MAD1L1: variants seen among roughly 807,000 people sequenced by gnomAD.
MAD1L1 encodes the protein mitotic arrest deficient 1 like 1.
In MAD1L1, 95 loss-of-function variants were observed where a neutral mutation model predicts 96.9. That is an observed-to-expected ratio of 0.98 (90% CI 0.83 to 1.16). The LOEUF is 1.16. MAD1L1 is among the 50% of genes most tolerant of loss of function. MAD1L1 has a pLI of 0.00. For synonymous variants in MAD1L1, 473 were observed against 396.6 expected (o/e 1.19, Z -2.29); for missense variants, 1,007 against 954.4 (o/e 1.06, Z -0.73).
At chr7:2,113,603 G>A (rs919763107) in intron 11 of MAD1L1, among the ~76,000 whole-genome samples, 1 of 152,134 alleles carries the variant, frequency 6.6e-6, no homozygotes, top group African/African-American at 2.4e-5. Context: ...AAAATAAATA[G>A]GATATTTGCA....
chr7:2,027,074 T>G (rs190079817), intron 12 of MAD1L1, among the ~76,000 whole-genome samples: 1 of 151,900 alleles, frequency 6.6e-6, no homozygotes, highest in Admixed American at 6.5e-5. Context: ...AACATGACAA[T>G]AAACAACTTT....
chr7:2,014,212 G>C (rs1782427463), intron 13 of MAD1L1, among the ~76,000 whole-genome samples: 1 of 152,198 alleles, frequency 6.6e-6, no homozygotes, highest in Non-Finnish European at 1.5e-5. Flanking sequence ...CAGGCATCAT[G>C]AGGCGGTCCT....
chr7:1,893,999 G>A (rs1786713281), intron 18 of MAD1L1, among the ~76,000 whole-genome samples: 1 of 152,210 alleles, frequency 6.6e-6, no homozygotes, highest in Non-Finnish European at 1.5e-5. Flanking sequence ...ACTGAAACCT[G>A]TTTTTCTGTC....
chr7:2,052,480 A>G (rs1462239852), intron 12 of MAD1L1, among the ~76,000 whole-genome samples: 2 of 151,932 alleles, frequency 1.3e-5, no homozygotes, highest in African/African-American at 4.8e-5. Flanking sequence ...GGGCCCAGGC[A>G]CAGCAGGCAG....
chr7:1,956,321 C>A (rs1779726623), intron 16 of MAD1L1, among the ~76,000 whole-genome samples: 1 of 152,146 alleles, frequency 6.6e-6, no homozygotes, highest in African/African-American at 2.4e-5. Flanking sequence ...ACTCCACAGG[C>A]CGAACCCCAG....
intron 5 of MAD1L1, among the ~76,000 whole-genome samples, chr7:2,220,725 T>C (rs1009497942): frequency 6.6e-6 from 1 of 152,250 alleles, no homozygotes; most frequent in Non-Finnish European, 1.5e-5. Flanking sequence ...AAGGCCCGCA[T>C]GGGGGCTGCG....
intron 18 of MAD1L1, among the ~76,000 whole-genome samples, chr7:1,860,562 T>C (rs1408378444): frequency 6.6e-6 from 1 of 152,064 alleles, no homozygotes; most frequent in Non-Finnish European, 1.5e-5. Context: ...CCCTCGTCCC[T>C]CACAAAACGC....
rs1470766611 is a variant in MAD1L1 at position 2,146,926 on chromosome 7, G to A, written c.1073+2226C>T. On this transcript the variant is annotated intron_variant, in intron 11 of 18. Coordinates refer to ENST00000265854, the MANE Select transcript of MAD1L1 (RefSeq NM_001013836.2). The surrounding 1 kb of genome is among the most constrained non-coding windows in gnomAD (Gnocchi z 6.2). ...CAGAGGCCAGAACGCAAGCACCAAG[G>A]CCACGACGGGACTCATCCACACCTC... 6.6e-6 allele frequency among the ~76,000 whole-genome samples: 1 copy of A among 152,182 alleles called. No individual in the cohort carries two copies. Among genetic ancestry groups the A allele is most frequent in the African/African-American group, 2.4e-5 (1 of 41,442 alleles).
chr7:1,936,553 C>T, intron 17 of MAD1L1, 134 bp downstream of exon 17: 1 of 922,264 alleles, frequency 1.1e-6, no homozygotes, highest in Non-Finnish European at 1.6e-6. Flanking sequence ...ACCACCAGAC[C>T]CGGCTGCCCA....
chr7:2,179,049 A>T (rs1180033282), intron 10 of MAD1L1, among the ~76,000 whole-genome samples: 1 of 152,228 alleles, frequency 6.6e-6, no homozygotes, highest in African/African-American at 2.4e-5. Context: ...CTCCACCATA[A>T]AAGCAACAGA....
chr7:2,107,380 CT>C (rs1474894007), intron 11 of MAD1L1: 1 of 152,402 alleles, frequency 6.6e-6, no homozygotes, highest in African/African-American at 2.4e-5. Context: ...CCACCTCCCC[CT>C]GAACTACCCA....
chr7:1,939,202 ACACACACACACACGGGCCAGGGCCAGAGG>A (rs1366332556), intron 16 of MAD1L1, among the ~76,000 whole-genome samples: 29 of 141,432 alleles, frequency 2.1e-4, no homozygotes, highest in Non-Finnish European at 3.5e-4. Context: ...GCTCACACAC[ACACACACACACACGGGCCAGGGCCAGAGG>A]CACACACACA....
chr7:2,022,673 C>A (rs1782839283), intron 12 of MAD1L1, among the ~76,000 whole-genome samples: 2 of 151,898 alleles, frequency 1.3e-5, no homozygotes, highest in South Asian at 4.2e-4. Flanking sequence ...GAACAAGTGT[C>A]CCAATAGAAA....
intron 12 of MAD1L1, among the ~76,000 whole-genome samples, chr7:2,043,910 T>C (rs115191323): frequency 0.046 from 7,078 of 152,300 alleles, 567 homozygotes; most frequent in African/African-American, 0.16. Flanking sequence ...GACCTCACCG[T>C]GCAGGAACAG....
intron 17 of MAD1L1, among the ~76,000 whole-genome samples, chr7:1,903,230 T>C (rs12699439): frequency 0.29 from 42,840 of 147,988 alleles, 7,231 homozygotes; most frequent in East Asian, 0.44. Flanking sequence ...TGAAGCACTG[T>C]TCCAGGCAGT....
chr7:1,915,349 C>T (rs559283677), intron 17 of MAD1L1, among the ~76,000 whole-genome samples: 33 of 152,290 alleles, frequency 2.2e-4, no homozygotes, highest in Non-Finnish European at 3.1e-4. Flanking sequence ...TCCGAAAAGG[C>T]GTCCTGGCAG....
chr7:2,005,777 G>A (rs1178445832), intron 13 of MAD1L1, among the ~76,000 whole-genome samples: 2 of 152,076 alleles, frequency 1.3e-5, no homozygotes, highest in Non-Finnish European at 2.9e-5. Context: ...CTTCAGCCTG[G>A]GCAACAGAGT....
chr7:1,887,863 G>GTGTGTGTGTGGCTGCCTGGGCA (rs1491347118), intron 18 of MAD1L1, among the ~76,000 whole-genome samples: 5 of 148,460 alleles, frequency 3.4e-5, no homozygotes, highest in East Asian at 2.0e-4. Context: ...GTGTGTGCAC[G>GTGTGTGTGTGGCTGCCTGGGCA]TGTGTGTGCA....
chr7:2,060,427 G>C (rs921912456), intron 12 of MAD1L1, among the ~76,000 whole-genome samples: 5 of 151,524 alleles, frequency 3.3e-5, no homozygotes, highest in Non-Finnish European at 5.9e-5. Flanking sequence ...GCTGAGATAC[G>C]CCGATGCTGA....
Sources: allele counts gnomAD v4.1 joint callset (sites outside exome capture counted in the v4.1 genomes callset), GRCh38; gene constraint gnomAD v4.1.1; non-coding constraint Gnocchi (gnomAD v3.1); transcripts MANE v1.5; gene names NCBI Gene and HGNC (gene_info 2026-07-23, HGNC 2026-07-21).